Variants in CA12 observed in about 807,000 individuals in gnomAD.
CA12 encodes the protein carbonate dehydratase XII.
A neutral mutation model predicts 46.8 loss-of-function variants in CA12; 36 were observed. The ratio of observed to expected loss-of-function variants is 0.77; its 90% CI spans 0.59 to 1.02. The LOEUF (loss-of-function observed/expected upper bound fraction) is 1.02. CA12 is among the 50% of genes least tolerant of loss of function. The pLI, the probability that CA12 is intolerant of heterozygous loss-of-function variation, is 0.00. For synonymous variants in CA12, 202 were observed against 187.0 expected (o/e 1.08, Z -0.65); for missense variants, 436 against 451.4 (o/e 0.97, Z 0.31).
chr15:63,340,801 C>T lies in CA12; in HGVS notation c.526-18G>A, dbSNP rs767945277. The T allele has an allele frequency of 5.7e-5, 92 of 1,612,266 alleles. No homozygotes were observed. Among genetic ancestry groups the T allele is most frequent in the Middle Eastern group, 1.6e-4 (1 of 6,074 alleles). ...GAGCCCATCTGCAACAGAGACAGGG[C>T]AGGTTAAACTGGGACAGAACAGGAT... On this transcript the variant is annotated intron_variant, in intron 5 of 10. Transcript: ENST00000178638. The surrounding 1 kb of genome is among the most constrained non-coding windows in gnomAD (Gnocchi z 4.4).
At chr15:63,349,803 C>T (rs968815078) in intron 2 of CA12, among the ~76,000 whole-genome samples, 4 of 152,136 alleles carry the variant, frequency 2.6e-5, no homozygotes, top group South Asian at 2.1e-4. Flanking sequence ...GCTCATCCAT[C>T]GCTGCACTTC....
In CA12 at chr15:63,330,122, C is replaced by A. The variant is rs1386610031; in HGVS notation, c.875-1992G>T. Among the ~76,000 whole-genome samples the A allele has an allele frequency of 6.6e-6, 1 of 152,252 alleles. No homozygotes were observed. Among genetic ancestry groups the A allele is most frequent in the Non-Finnish European group, 1.5e-5 (1 of 68,048 alleles). On this transcript the variant is annotated intron_variant, in intron 8 of 10. Transcript: ENST00000178638. This position sits in a 1 kb window ranked among gnomAD's most constrained non-coding sequence, Gnocchi z 4.0. ...CCTCCCAAGTGGCAGAGTGGCTCCA[C>A]TGGCCAGACTCCCTGCCCCAGGCCT...
chr15:63,376,536 C>T (rs1325784191), intron 1 of CA12, among the ~76,000 whole-genome samples: 1 of 135,542 alleles, frequency 7.4e-6, no homozygotes, highest in Admixed American at 7.3e-5. Context: ...CTCTGTCTCT[C>T]CCCTCCCACT....
Position 63,338,874 on chromosome 15 carries a change from G to T in CA12, c.819C>A (p.Asn273Lys). 6.2e-7 allele frequency: 1 copy of T among 1,614,206 alleles called. No homozygotes were observed. The highest frequency in any genetic ancestry group is 8.5e-7 in the Non-Finnish European group (1 of 1,180,028). Residue 273 changes from asparagine (N) to lysine (K), a missense_variant, in exon 8 of 11, where the codon AAC becomes AAA. Coordinates refer to ENST00000178638, the MANE Select transcript of CA12 (RefSeq NM_001218.5). Reference protein sequence around the residue: ...DDPSPREMINNFRQVQKFDER... With the variant: ...DDPSPREMINKFRQVQKFDER... ...CATCGAACTTCTGGACCTGCCGGAA[G>T]TTGTTGATCATTTCTCTGGGGGAAG...
At chr15:63,368,384 G>A (rs1033660900) in intron 2 of CA12, among the ~76,000 whole-genome samples, 4 of 152,200 alleles carry the variant, frequency 2.6e-5, no homozygotes, top group African/African-American at 9.6e-5. Context: ...CGAAGGAAGA[G>A]AGTAACAGGC....
In CA12 at chr15:63,345,465, A is replaced by G; in HGVS notation, c.429+12T>C. 2 of 1,604,582 alleles carry G rather than the reference A, an allele frequency of 1.2e-6. No individual in the cohort carries two copies. Among genetic ancestry groups the G allele is most frequent in the Non-Finnish European group, 1.7e-6 (2 of 1,179,912 alleles). On this transcript the variant is annotated intron_variant, in intron 4 of 10. Transcript: ENST00000178638. This position sits in a 1 kb window ranked among gnomAD's most constrained non-coding sequence, Gnocchi z 4.3. The stretch of plus-strand genomic sequence containing the variant: ...GCAGAGCAGCCTCTGCCAGACTGGC[A>G]GCCCTACTTACCTCGGCGGCGAAGT...
Position 63,345,478 on chromosome 15 carries a change from TCGG to T in CA12, c.425_427del (p.Ala142del), listed in dbSNP as rs776963326. 7.0e-5 allele frequency: 112 copies of T among 1,606,618 alleles called. No homozygotes were observed. The highest frequency in any genetic ancestry group is 2.3e-4 in the Admixed American group (14 of 60,016). ...TGCCAGACTGGCAGCCCTACTTACC[TCGG>T]CGGCGAAGTGCTGTCCGCTGACGGT... is the stretch of plus-strand genomic sequence containing the variant. On this transcript the variant is annotated inframe_deletion and splice_region_variant, in exon 4 of 11. Coordinates refer to ENST00000178638, the MANE Select transcript of CA12 (RefSeq NM_001218.5). The surrounding 1 kb of genome is among the most constrained non-coding windows in gnomAD (Gnocchi z 4.3).
chr15:63,376,613 G>A lies in CA12; in HGVS notation c.86-935C>T, dbSNP rs371865993. On this transcript the variant is annotated intron_variant, in intron 1 of 10. Transcript: ENST00000178638. ...TTCTTTCTTTCTTTCTCTCTCTCTC[G>A]CTCTCTCTCTTTCTTCTTTTTCTTT... Among the ~76,000 whole-genome samples the A allele has an allele frequency of 1.0e-3, 15 of 14,680 alleles. No individual in the cohort carries two copies. In the East Asian group the frequency reaches 0.01, roughly 10 times the overall value. 9.6% of individuals were successfully genotyped at this position (14,680 alleles called of 152,430 possible).
Position 63,346,740 on chromosome 15 carries a change from G to A in CA12, c.107-31C>T, listed in dbSNP as rs781387255. The stretch of plus-strand genomic sequence containing the variant: ...CACAGAGATCCATGCTCAAGATTTA[G>A]AGTTTCTCACAAAGGGATTTTCCTT... On this transcript the variant is annotated intron_variant, in intron 2 of 10. Transcript: ENST00000178638. The A allele has an allele frequency of 7.5e-6, 12 of 1,610,338 alleles. No homozygotes were observed. The Admixed American group carries it at 2.0e-4, about 27-fold the overall frequency.
In CA12 at chr15:63,378,066, G is replaced by A. The variant is rs1329257743; in HGVS notation, c.86-2388C>T. Among the ~76,000 whole-genome samples the A allele has an allele frequency of 6.6e-6, 1 of 152,220 alleles. No individual in the cohort carries two copies. Among genetic ancestry groups the A allele is most frequent in the Non-Finnish European group, 1.5e-5 (1 of 68,038 alleles). On this transcript the variant is annotated intron_variant, in intron 1 of 10. Coordinates refer to ENST00000178638, the MANE Select transcript of CA12 (RefSeq NM_001218.5). This position sits in a 1 kb window ranked among gnomAD's most constrained non-coding sequence, Gnocchi z 4.8. ...GTCCAGACCCCCTGGAGTATCCGAT[G>A]AGTATTATGGACCTCTCCCAGTAAA... is the stretch of plus-strand genomic sequence containing the variant.
chr15:63,338,421 C>T (rs921801011), intron 8 of CA12, among the ~76,000 whole-genome samples: 9 of 152,152 alleles, frequency 5.9e-5, no homozygotes, highest in Middle Eastern at 3.2e-3. Flanking sequence ...AGGCTGGCTG[C>T]AGCCTTTGAT....
intron 8 of CA12, 95 bp downstream of exon 8, chr15:63,338,724 T>A: frequency 6.4e-7 from 1 of 1,551,304 alleles, no homozygotes; most frequent in Non-Finnish European, 8.9e-7. Flanking sequence ...GCCAACTTCT[T>A]GAGGGCATCA....
chr15:63,381,635 C>T lies in CA12; in HGVS notation c.85+1G>A, dbSNP rs760043693. The T allele has an allele frequency of 5.6e-6, 9 of 1,610,012 alleles. No homozygotes were observed. On this transcript the variant is annotated splice_donor_variant, in intron 1 of 10. Transcript: ENST00000178638. LOFTEE classifies it high-confidence loss of function. ...AGGAAAGAAGCAGGCGGAAACTTTA[C>T]CGTTCACTGGGGCCGGGCTGGAAGG...
At chr15:63,349,792 G>A (rs1268066978) in intron 2 of CA12, among the ~76,000 whole-genome samples, 3 of 152,106 alleles carry the variant, frequency 2.0e-5, no homozygotes, top group East Asian at 1.9e-4. Flanking sequence ...CAAGGACCAC[G>A]GCTCATCCAT....
chr15:63,346,269 T>C (rs2039146060), intron 3 of CA12, among the ~76,000 whole-genome samples: 2 of 152,174 alleles, frequency 1.3e-5, no homozygotes, highest in African/African-American at 4.8e-5. Context: ...TGAACTACAG[T>C]GCTCAGGCCG....
chr15:63,331,936 T>C lies in CA12; in HGVS notation c.875-3806A>G, dbSNP rs1442225244. On this transcript the variant is annotated intron_variant, in intron 8 of 10. Coordinates refer to ENST00000178638, the MANE Select transcript of CA12 (RefSeq NM_001218.5). This position sits in a 1 kb window ranked among gnomAD's most constrained non-coding sequence, Gnocchi z 5.3. ...GGAGGTTCCTGGAACAACAGTCTAGTATTTTCTAGCTCTATTTACGATTCT... is the reference window on the plus strand; with the variant it reads ...GGAGGTTCCTGGAACAACAGTCTAGCATTTTCTAGCTCTATTTACGATTCT... 1 of 152,230 alleles carries C rather than the reference T, an allele frequency of 6.6e-6. No individual in the cohort carries two copies. Among genetic ancestry groups the C allele is most frequent in the Non-Finnish European group, 1.5e-5 (1 of 68,040 alleles). The allele number at this position is 152,230 out of a possible 1,614,324, so 9.4% of individuals were successfully genotyped here. A position where few individuals can be genotyped will look rare whatever the true frequency, so the allele number is the denominator to read the frequency against.
Position 63,340,890 on chromosome 15 carries a change from G to T in CA12, c.526-107C>A. On this transcript the variant is annotated intron_variant, in intron 5 of 10. Coordinates refer to ENST00000178638, the MANE Select transcript of CA12 (RefSeq NM_001218.5). The surrounding 1 kb of genome is among the most constrained non-coding windows in gnomAD (Gnocchi z 4.4). The stretch of plus-strand genomic sequence containing the variant: ...AAGCTGTGGGTATGTTGCCACCACT[G>T]CCTGAAGGATCCACTTTACTGGACA... The T allele has an allele frequency of 1.1e-6, 1 of 888,022 alleles. No individual in the cohort carries two copies. The allele number at this position is 888,022 out of a possible 1,614,324, so 55.0% of individuals were successfully genotyped here.
At chr15:63,365,126 A>T (rs2039421499) in intron 2 of CA12, among the ~76,000 whole-genome samples, 1 of 152,174 alleles carries the variant, frequency 6.6e-6, no homozygotes, top group Non-Finnish European at 1.5e-5. Context: ...CTGGTCTTTG[A>T]TCCACATTTC....
intron 4 of CA12, among the ~76,000 whole-genome samples, chr15:63,344,455 T>C (rs1232715505): frequency 1.3e-5 from 2 of 152,234 alleles, no homozygotes; most frequent in African/African-American, 4.8e-5. Flanking sequence ...TTATTCCCCA[T>C]GGGGGAAGCA....
Sources: gnomAD v4.1 joint callset for allele counts (sites outside exome capture counted in the v4.1 genomes callset) on GRCh38, gnomAD v4.1.1 for gene constraint, Gnocchi (gnomAD v3.1) non-coding constraint, MANE v1.5 for transcripts, NCBI Gene and HGNC (gene_info 2026-07-23, HGNC 2026-07-21) for gene names.